KIAA0040: variants seen among roughly 807,000 people sequenced by gnomAD.
KIAA0040 encodes the protein KIAA0040, also known as uncharacterized protein KIAA0040.
Under a neutral mutation model 7.2 loss-of-function variants are expected in KIAA0040, and 10 were observed. That is an observed-to-expected ratio of 1.38 (90% CI 0.85 to 2.34). The LOEUF is 2.34. Ranked by LOEUF, KIAA0040 falls within the 30% of genes most tolerant of loss-of-function variation. KIAA0040 has a pLI of 0.00. For missense variants in KIAA0040, 89 were observed against 108.2 expected, an observed-to-expected ratio of 0.82 and a Z score of 0.79; for synonymous variants, 49 against 40.1, an observed-to-expected ratio of 1.22 and a Z score of -0.84.
intron 1 of KIAA0040, among the ~76,000 whole-genome samples, chr1:175,186,753 C>T (rs1490013645): frequency 6.6e-6 from 1 of 152,230 alleles, no homozygotes; most frequent in African/African-American, 2.4e-5. Flanking sequence ...TCTTCCTGTA[C>T]TTGTGAAGGC....
At chr1:175,177,190 C>T (rs1677237711) in intron 2 of KIAA0040, among the ~76,000 whole-genome samples, 1 of 152,218 alleles carries the variant, frequency 6.6e-6, no homozygotes. Flanking sequence ...GCAGGCCGAC[C>T]ACCAGACTTT....
rs1315238840 is a variant in KIAA0040 at position 175,158,781 on chromosome 1, G to GGTCATATAT, written c.*1932_*1933insATATATGAC. The GGTCATATAT allele has an allele frequency of 6.6e-6, 1 of 152,144 alleles. No homozygotes were observed. The highest frequency in any genetic ancestry group is 2.1e-4 in the South Asian group (1 of 4,830). The allele number at this position is 152,144 out of a possible 1,614,324, so 9.4% of individuals were successfully genotyped here. ...TGCTTAGGCAGTTTATGGCCATATA[G>GGTCATATAT]GGTGAGAGGGCAAATGTGACTGGCT... On this transcript the variant is annotated 3_prime_UTR_variant, in exon 4 of 4. Transcript: ENST00000423313.
chr1:175,192,874 G>A (rs371658604), upstream of KIAA0040: 5 of 126,514 alleles, frequency 4.0e-5, no homozygotes, highest in East Asian at 1.4e-3. Context: ...CGCTGCCGCC[G>A]AGGGCAGCGC....
At chr1:175,192,507 T>A (rs1033183440) in intron 1 of KIAA0040, 133 bp downstream of exon 1, 2 of 152,192 alleles carry the variant, frequency 1.3e-5, no homozygotes, top group Admixed American at 6.5e-5. Flanking sequence ...AGAGGCTACT[T>A]AGGAATAATT....
chr1:175,168,037 C>T (rs1393406037), intron 2 of KIAA0040, among the ~76,000 whole-genome samples: 2 of 152,150 alleles, frequency 1.3e-5, no homozygotes, highest in African/African-American at 4.8e-5. Flanking sequence ...AACCACACTG[C>T]CTTACAAAAT....
intron 2 of KIAA0040, among the ~76,000 whole-genome samples, chr1:175,171,571 T>C (rs890982809): frequency 1.9e-4 from 29 of 152,312 alleles, no homozygotes; most frequent in African/African-American, 7.0e-4. Context: ...ATGATAATTA[T>C]CCACCCGCAG....
intron 1 of KIAA0040, among the ~76,000 whole-genome samples, chr1:175,190,310 AG>A (rs1438568126): frequency 6.6e-6 from 1 of 152,254 alleles, no homozygotes; most frequent in Admixed American, 6.5e-5. Context: ...AAATATCTAT[AG>A]GCCACTATTG....
At chr1:175,191,428 TG>T (rs1330679562) in intron 1 of KIAA0040, among the ~76,000 whole-genome samples, 3 of 152,220 alleles carry the variant, frequency 2.0e-5, no homozygotes, top group Non-Finnish European at 4.4e-5. Context: ...GTATCTGGGA[TG>T]GGGACAGAGA....
In KIAA0040 at chr1:175,159,549, C is replaced by G; in HGVS notation, c.*1165G>C. On this transcript the variant is annotated 3_prime_UTR_variant, in exon 4 of 4. Transcript: ENST00000423313. The stretch of plus-strand genomic sequence containing the variant: ...TAAACCTCTTTATAGCTTCATCCTA[C>G]TTTCATTTAAACTCTGTTACCTCTG... The G allele has an allele frequency of 6.6e-6, 1 of 152,360 alleles. No individual in the cohort carries two copies. Among genetic ancestry groups the G allele is most frequent in the East Asian group, 1.9e-4 (1 of 5,210 alleles). 9.4% of individuals were successfully genotyped at this position (152,360 alleles called of 1,614,324 possible).
At chr1:175,185,547 G>A (rs1677627979) in intron 1 of KIAA0040, among the ~76,000 whole-genome samples, 1 of 152,152 alleles carries the variant, frequency 6.6e-6, no homozygotes. Flanking sequence ...ACAGGAAAAG[G>A]TATGCCACTT....
intron 1 of KIAA0040, among the ~76,000 whole-genome samples, chr1:175,184,080 C>T (rs147976401): frequency 5.4e-4 from 82 of 152,180 alleles, no homozygotes; most frequent in African/African-American, 1.5e-3. Flanking sequence ...GATGACTGAC[C>T]GAAAGTAAGT....
At chr1:175,174,472 T>A (rs1216267065) in intron 2 of KIAA0040, among the ~76,000 whole-genome samples, 1 of 152,226 alleles carries the variant, frequency 6.6e-6, no homozygotes, top group African/African-American at 2.4e-5. Flanking sequence ...TTAAGCTTTC[T>A]GAGCCCTTTC....
rs1168308176 is a variant in KIAA0040 at position 175,160,089 on chromosome 1, T to G, written c.*625A>C. 6.5e-6 allele frequency: 1 copy of G among 153,986 alleles called. No homozygotes were observed. The highest frequency in any genetic ancestry group is 1.5e-5 in the Non-Finnish European group (1 of 68,308). The allele number at this position is 153,986 out of a possible 1,614,324, so 9.5% of individuals were successfully genotyped here. ...TGGGGACTGTAGCAGGTTGCTGGAA[T>G]GTCCAATTATGAGTACTTCCAGTAA... On this transcript the variant is annotated 3_prime_UTR_variant, in exon 4 of 4. Transcript: ENST00000423313.
Position 175,178,618 on chromosome 1 carries a change from G to A in KIAA0040, c.-383-934C>T, listed in dbSNP as rs540366904. On this transcript the variant is annotated intron_variant, in intron 1 of 3. Coordinates refer to ENST00000423313, the MANE Select transcript of KIAA0040 (RefSeq NM_014656.3). Reference sequence around the variant, plus strand: ...AGGGGAAAAAGAAGTGTACCAACTGGTTCTTATCCTAAAAGAGTTTCTTCA... The same window carrying A: ...AGGGGAAAAAGAAGTGTACCAACTGATTCTTATCCTAAAAGAGTTTCTTCA... Among the ~76,000 whole-genome samples the A allele has an allele frequency of 5.9e-5, 9 of 152,294 alleles. No homozygotes were observed. The South Asian group carries it at 1.9e-3, about 32-fold the overall frequency.
At chr1:175,174,966 G>A (rs1438952128) in intron 2 of KIAA0040, among the ~76,000 whole-genome samples, 2 of 152,140 alleles carry the variant, frequency 1.3e-5, no homozygotes, top group African/African-American at 2.4e-5. Flanking sequence ...ATGTTTGTGG[G>A]TGTGGTAAAG....
chr1:175,175,241 C>T (rs951720673), intron 2 of KIAA0040, among the ~76,000 whole-genome samples: 1 of 152,182 alleles, frequency 6.6e-6, no homozygotes, highest in African/African-American at 2.4e-5. Flanking sequence ...TTAAAAGTTG[C>T]ATAATTCTAT....
intron 1 of KIAA0040, among the ~76,000 whole-genome samples, chr1:175,180,208 T>C (rs1677381965): frequency 6.6e-6 from 1 of 152,188 alleles, no homozygotes; most frequent in Admixed American, 6.5e-5. Flanking sequence ...ACCCATAATC[T>C]GCAGTAGGGT....
chr1:175,167,720 T>A (rs1676823254), intron 2 of KIAA0040, among the ~76,000 whole-genome samples: 1 of 151,908 alleles, frequency 6.6e-6, no homozygotes, highest in African/African-American at 2.4e-5. Flanking sequence ...GTGATGGTGG[T>A]CGGAAAGGGC....
At chr1:175,177,122 G>T (rs755973084) in intron 2 of KIAA0040, among the ~76,000 whole-genome samples, 8 of 152,190 alleles carry the variant, frequency 5.3e-5, no homozygotes, top group Non-Finnish European at 2.9e-5. Context: ...GGAGAGGCCA[G>T]GGAACTCAGC....
Sources: allele counts gnomAD v4.1 joint callset (sites outside exome capture counted in the v4.1 genomes callset), GRCh38; gene constraint gnomAD v4.1.1; transcripts MANE v1.5; gene names NCBI Gene and HGNC (gene_info 2026-07-23, HGNC 2026-07-21).